The following TRIM66 variants were observed in gnomAD, a reference collection of about 807,000 sequenced individuals.
TRIM66 encodes the protein tripartite motif-containing protein 66.
Under a neutral mutation model 148.2 loss-of-function variants are expected in TRIM66, and 99 were observed. The ratio of observed to expected loss-of-function variants is 0.67; its 90% confidence interval spans 0.57 to 0.79. The LOEUF (loss-of-function observed/expected upper bound fraction) is 0.79. TRIM66 is among the 30% of genes least tolerant of loss of function. TRIM66 has a pLI of 0.00. For synonymous variants in TRIM66, 616 were observed against 635.9 expected (o/e 0.97, Z 0.47); for missense variants, 1,666 against 1,697.9 (o/e 0.98, Z 0.33).
chr11:8,638,560 C>T, intron 15 of TRIM66, 94 bp downstream of exon 15: 2 of 1,403,808 alleles, frequency 1.4e-6, no homozygotes, highest in African/African-American at 1.5e-5. Flanking sequence ...AACAGGGACG[C>T]TCCTCCCCCC....
rs1029828681 is a variant in TRIM66 at position 8,614,568 on chromosome 11, G to A, written c.*3376C>T. 8 of 152,540 alleles carry A rather than the reference G, an allele frequency of 5.2e-5. No homozygotes were observed. Among genetic ancestry groups the A allele is most frequent in the African/African-American group, 1.7e-4 (7 of 41,436 alleles). The allele number at this position is 152,540 out of a possible 1,614,324, so 9.4% of individuals were successfully genotyped here. A position where few individuals can be genotyped will look rare whatever the true frequency, so the allele number is the denominator to read the frequency against. ...AGCAGTACTGAGGGATGGAGAAGAA[G>A]CCCAGGAAGGGGTGATCCAGAAGGA... On this transcript the variant is annotated 3_prime_UTR_variant, in exon 25 of 25. Coordinates refer to ENST00000646038, the MANE Select transcript of TRIM66 (RefSeq NM_001388022.1).
upstream of TRIM66, chr11:8,682,900 C>A (rs527256780): frequency 1.3e-5 from 19 of 1,493,854 alleles, no homozygotes; most frequent in Non-Finnish European, 1.7e-5. Flanking sequence ...CATCCACTCC[C>A]TACCATGGTC....
chr11:8,662,647 T>C (rs1352961298), intron 6 of TRIM66, among the ~76,000 whole-genome samples: 1 of 152,164 alleles, frequency 6.6e-6, no homozygotes, highest in African/African-American at 2.4e-5. Flanking sequence ...TCCTCAACTT[T>C]GAAAATGGGA....
intron 13 of TRIM66, among the ~76,000 whole-genome samples, chr11:8,641,511 T>C (rs548317297): frequency 2.0e-5 from 3 of 151,812 alleles, no homozygotes; most frequent in Non-Finnish European, 2.9e-5. Flanking sequence ...AACTTTGGGG[T>C]TGGGAGGGAG....
At chr11:8,672,831 A>G (rs1223999962) in intron 4 of TRIM66, among the ~76,000 whole-genome samples, 2 of 151,426 alleles carry the variant, frequency 1.3e-5, no homozygotes, top group African/African-American at 2.4e-5. Context: ...GAGTTTCACC[A>G]TGTTGCCCAG....
At chr11:8,650,810 T>C (rs1387805805) in intron 7 of TRIM66, among the ~76,000 whole-genome samples, 2 of 152,056 alleles carry the variant, frequency 1.3e-5, no homozygotes, top group Non-Finnish European at 2.9e-5. Context: ...GAGGAAAATG[T>C]TGTAACAGAG....
intron 12 of TRIM66, among the ~76,000 whole-genome samples, chr11:8,645,044 G>A: frequency 6.6e-6 from 1 of 152,140 alleles, no homozygotes; most frequent in Non-Finnish European, 1.5e-5. Flanking sequence ...CTCTGTCTAT[G>A]CTGAAAATGA....
intron 15 of TRIM66, among the ~76,000 whole-genome samples, chr11:8,628,244 T>A (rs1755664382): frequency 6.6e-6 from 1 of 152,178 alleles, no homozygotes; most frequent in Non-Finnish European, 1.5e-5. Context: ...CATCCTAGTC[T>A]CATTTCTGAA....
At chr11:8,668,617 G>A (rs987023452) in intron 6 of TRIM66, among the ~76,000 whole-genome samples, 5 of 149,908 alleles carry the variant, frequency 3.3e-5, no homozygotes, top group African/African-American at 7.4e-5. Flanking sequence ...ATGGAGTCTC[G>A]CTCTGTCGCC....
chr11:8,639,493 C>T (rs1331415576), intron 14 of TRIM66, among the ~76,000 whole-genome samples: 1 of 152,190 alleles, frequency 6.6e-6, no homozygotes, highest in African/African-American at 2.4e-5. Flanking sequence ...AAAAGAGGTG[C>T]ACCATCCAAT....
chr11:8,647,897 G>A (rs555985611), intron 10 of TRIM66, 73 bp downstream of exon 10: 22 of 1,168,552 alleles, frequency 1.9e-5, no homozygotes, highest in African/African-American at 6.1e-5. Flanking sequence ...TACATCTGAC[G>A]GCCTGGTGTT....
At chr11:8,676,064 G>T (rs929736679) in intron 3 of TRIM66, among the ~76,000 whole-genome samples, 10 of 152,148 alleles carry the variant, frequency 6.6e-5, no homozygotes, top group Non-Finnish European at 1.2e-4. Flanking sequence ...AGTTTAACTT[G>T]CAACTCAATA....
intron 6 of TRIM66, 78 bp downstream of exon 6, chr11:8,671,708 C>A (rs538012319): frequency 8.0e-5 from 56 of 699,898 alleles, no homozygotes; most frequent in Non-Finnish European, 1.4e-4. Context: ...TCTTTCTACA[C>A]CCAAAATTCA....
chr11:8,641,547 A>G (rs1467933835), intron 13 of TRIM66, among the ~76,000 whole-genome samples: 1 of 152,178 alleles, frequency 6.6e-6, no homozygotes, highest in Non-Finnish European at 1.5e-5. Flanking sequence ...CAAAGGGTAG[A>G]GAGCCATGCC....
intron 18 of TRIM66, among the ~76,000 whole-genome samples, chr11:8,622,029 C>G (rs951406303): frequency 6.6e-6 from 1 of 151,922 alleles, no homozygotes; most frequent in East Asian, 1.9e-4. Context: ...AAGGCAGGCC[C>G]ACCCTTAATT....
At chr11:8,648,588 G>A in intron 8 of TRIM66, 40 bp from the exon 9 acceptor site, 2 of 1,549,382 alleles carry the variant, frequency 1.3e-6, no homozygotes, top group South Asian at 1.2e-5. Context: ...CTCTTGCTCA[G>A]GTAGACAAAC....
intron 15 of TRIM66, among the ~76,000 whole-genome samples, chr11:8,638,254 C>T (rs893275517): frequency 6.6e-6 from 1 of 152,234 alleles, no homozygotes; most frequent in African/African-American, 2.4e-5. Context: ...CTCTCGTCTA[C>T]TAGCTGTAAG....
At chr11:8,658,307 G>A (rs550199075) in intron 6 of TRIM66, among the ~76,000 whole-genome samples, 1 of 152,352 alleles carries the variant, frequency 6.6e-6, no homozygotes, top group East Asian at 1.9e-4. Context: ...TCCTCTGGGT[G>A]CCTTGGAATA....
At chr11:8,622,326 T>TACACACACACACAAC (rs1555035604) in intron 18 of TRIM66, among the ~76,000 whole-genome samples, 1 of 85,600 alleles carries the variant, frequency 1.2e-5, no homozygotes, top group Non-Finnish European at 2.5e-5. Flanking sequence ...TATATGGAAG[T>TACACACACACACAAC]ACACACACAC....
Sources: gnomAD v4.1 joint callset for allele counts (sites outside exome capture counted in the v4.1 genomes callset) on GRCh38, gnomAD v4.1.1 for gene constraint, MANE v1.5 for transcripts, NCBI Gene and HGNC (gene_info 2026-07-23, HGNC 2026-07-21) for gene names.